The following FHIP2A variants were observed in gnomAD, a reference collection of about 807,000 sequenced individuals.
FHIP2A encodes the protein family with sequence similarity 160 member B1.
A neutral mutation model predicts 93.5 loss-of-function variants in FHIP2A; 46 were observed. The ratio of observed to expected loss-of-function variants is 0.49; its 90% CI spans 0.39 to 0.63. FHIP2A has a LOEUF of 0.63. FHIP2A is among the 20% of genes least tolerant of loss of function. The pLI is 0.00. For missense variants in FHIP2A, 769 were observed against 909.7 expected, an observed-to-expected ratio of 0.85 and a Z score of 1.99; for synonymous variants, 332 against 326.5, an observed-to-expected ratio of 1.02 and a Z score of -0.18.
At chr10:114,826,170 G>T (rs565159446) in intron 1 of FHIP2A, among the ~76,000 whole-genome samples, 4 of 152,302 alleles carry the variant, frequency 2.6e-5, no homozygotes, top group African/African-American at 7.2e-5. Context: ...ACGAAAGCCT[G>T]GCTCCAAGTG....
intron 16 of FHIP2A, among the ~76,000 whole-genome samples, chr10:114,889,888 T>TGCCTC (rs1455263576): frequency 6.6e-6 from 1 of 152,220 alleles, no homozygotes; most frequent in African/African-American, 2.4e-5. Context: ...TCAAGCATCT[T>TGCCTC]CAGGGCAACT....
chr10:114,899,052 AG>A (rs2084014383), intron 16 of FHIP2A, among the ~76,000 whole-genome samples: 1 of 152,230 alleles, frequency 6.6e-6, no homozygotes, highest in Non-Finnish European at 1.5e-5. Context: ...AGCCTCCTAG[AG>A]GATGGACAAC....
chr10:114,850,215 A>G (rs2083726594), intron 13 of FHIP2A, among the ~76,000 whole-genome samples: 1 of 152,194 alleles, frequency 6.6e-6, no homozygotes, highest in Admixed American at 6.5e-5. Flanking sequence ...ACCATTTTAC[A>G]TCACACCAGC....
At chr10:114,845,906 T>C in intron 8 of FHIP2A, 107 bp from the exon 9 acceptor site, 1 of 853,118 alleles carries the variant, frequency 1.2e-6, no homozygotes, top group Non-Finnish European at 1.8e-6. Flanking sequence ...AGGCAAGTTT[T>C]GTCTTTCCAC....
intron 10 of FHIP2A, 56 bp downstream of exon 10, chr10:114,846,423 T>TGAA: frequency 6.7e-7 from 1 of 1,500,638 alleles, no homozygotes; most frequent in South Asian, 1.2e-5. Context: ...ACGGTTTTAA[T>TGAA]GTATTATACT....
intron 16 of FHIP2A, among the ~76,000 whole-genome samples, chr10:114,891,568 T>C (rs2083974613): frequency 6.8e-6 from 1 of 147,334 alleles, no homozygotes; most frequent in South Asian, 2.1e-4. Context: ...TGTGTGTGTG[T>C]GTGTGCACGC....
intron 14 of FHIP2A, among the ~76,000 whole-genome samples, chr10:114,858,318 G>A (rs7915943): frequency 0.45 from 68,127 of 152,000 alleles, 15,444 homozygotes; most frequent in Non-Finnish European, 0.48. Flanking sequence ...TTTTTACTAC[G>A]TTGAGAAATA....
chr10:114,829,890 T>G (rs1279560795), intron 1 of FHIP2A, among the ~76,000 whole-genome samples: 1 of 152,244 alleles, frequency 6.6e-6, no homozygotes, highest in African/African-American at 2.4e-5. Flanking sequence ...TGAGGGGATA[T>G]AATTTTGGGC....
chr10:114,860,901 G>A lies in FHIP2A; in HGVS notation c.2088+12G>A. The A allele has an allele frequency of 1.9e-6, 3 of 1,610,060 alleles. No homozygotes were observed. Among genetic ancestry groups the A allele is most frequent in the Non-Finnish European group, 2.5e-6 (3 of 1,176,502 alleles). On this transcript the variant is annotated intron_variant, in intron 15 of 16. Transcript: ENST00000369248. ...CTGTAATTGTCAGGGTGAGTTACTAGTTCTGTTATATTCCCTAGGATTGAT... is the reference window on the plus strand; with the variant it reads ...CTGTAATTGTCAGGGTGAGTTACTAATTCTGTTATATTCCCTAGGATTGAT...
Position 114,823,639 on chromosome 10 carries a change from C to A in FHIP2A, c.45+1516C>A, listed in dbSNP as rs186013146. On this transcript the variant is annotated intron_variant, in intron 1 of 16. Transcript: ENST00000369248. ...CCTCCCTAGTAGCTGGGATTACAGG[C>A]ACCCGCCACCACACACGGCTAATTT... Among the ~76,000 whole-genome samples the A allele has an allele frequency of 7.9e-4, 119 of 150,526 alleles. 1 individual carries two copies. The highest frequency in any genetic ancestry group is 2.8e-3 in the African/African-American group (116 of 41,068).
At position 114,863,585 on chromosome 10, in the gene FHIP2A, G is replaced by T; in HGVS notation, c.*2045G>T. 1 of 1,258,146 alleles carries T rather than the reference G, an allele frequency of 7.9e-7. No individual in the cohort carries two copies. The highest frequency in any genetic ancestry group is 1.0e-6 in the Non-Finnish European group (1 of 976,568). The allele number at this position is 1,258,146 out of a possible 1,614,324, so 77.9% of individuals were successfully genotyped here. A position where few individuals can be genotyped will look rare whatever the true frequency, so the allele number is the denominator to read the frequency against. On this transcript the variant is annotated 3_prime_UTR_variant, in exon 17 of 17. Coordinates refer to ENST00000369248, the MANE Select transcript of FHIP2A (RefSeq NM_020940.4). Reference sequence around the variant, plus strand: ...TGACTTTAATTTGTAATCAGCTAAGGCTTAAGATTTCATTTGTTTCTAAGT... The same window carrying T: ...TGACTTTAATTTGTAATCAGCTAAGTCTTAAGATTTCATTTGTTTCTAAGT...
At chr10:114,875,764 AAG>A (rs957957146) in intron 16 of FHIP2A, among the ~76,000 whole-genome samples, 20 of 151,520 alleles carry the variant, frequency 1.3e-4, no homozygotes, top group Admixed American at 6.6e-4. Flanking sequence ...GAAAGAAAGA[AAG>A]AGAAAAGAGA....
chr10:114,844,445 A>G (rs181846070), intron 7 of FHIP2A, among the ~76,000 whole-genome samples: 2 of 152,332 alleles, frequency 1.3e-5, no homozygotes, highest in East Asian at 1.9e-4. Context: ...CAAGTTGCCC[A>G]TAGTCCCACC....
At chr10:114,875,734 GAGAAAGAAAGAA>G (rs200179954) in intron 16 of FHIP2A, among the ~76,000 whole-genome samples, 1 of 146,806 alleles carries the variant, frequency 6.8e-6, no homozygotes, top group Admixed American at 6.9e-5. Context: ...AAGAAAGAGA[GAGAAAGAAAGAA>G]AGAAAGAGAA....
intron 16 of FHIP2A, among the ~76,000 whole-genome samples, chr10:114,879,162 T>G (rs2083904565): frequency 6.6e-6 from 1 of 152,118 alleles, no homozygotes; most frequent in Non-Finnish European, 1.5e-5. Context: ...GTAACCAGAA[T>G]TTGAACTCAA....
downstream of FHIP2A, among the ~76,000 whole-genome samples, chr10:114,869,430 A>G (rs1454191484): frequency 6.6e-6 from 1 of 152,210 alleles, no homozygotes; most frequent in Non-Finnish European, 1.5e-5. Context: ...GGCTGCTTCA[A>G]TTCTTTGTCC....
At position 114,846,077 on chromosome 10, in the gene FHIP2A, A is replaced by G; in HGVS notation, c.1193A>G (p.Gln398Arg). The G allele has an allele frequency of 6.2e-7, 1 of 1,614,024 alleles. No individual in the cohort carries two copies. Among genetic ancestry groups the G allele is most frequent in the Non-Finnish European group, 8.5e-7 (1 of 1,179,944 alleles). Residue 398 changes from glutamine (Q) to arginine (R), a missense_variant, in exon 9 of 17, where the codon CAA (glutamine) becomes CGA (arginine). Transcript: ENST00000369248. ...ERFFIGVMEP[Q>R]LMQTSEMGIL... ...TTTTTCATTGGTGTTATGGAACCTC[A>G]ATTAATGCAAACGTGAGTAGCCTGT...
intron 16 of FHIP2A, among the ~76,000 whole-genome samples, chr10:114,891,939 G>T (rs1733287269): frequency 6.6e-6 from 1 of 152,046 alleles, no homozygotes; most frequent in South Asian, 2.1e-4. Context: ...TTTATATGGA[G>T]TATTCTAACA....
In FHIP2A at chr10:114,861,349, T is replaced by C; in HGVS notation, c.2192+15T>C. The C allele has an allele frequency of 6.2e-7, 1 of 1,613,606 alleles. No individual in the cohort carries two copies. The highest frequency in any genetic ancestry group is 8.5e-7 in the Non-Finnish European group (1 of 1,179,898). ...GAAGGCCCTATGTAAGTTAGTGTTT[T>C]ACATTTTTTTAATCCAAAAATTTCA... On this transcript the variant is annotated intron_variant, in intron 16 of 16. Coordinates refer to ENST00000369248, the MANE Select transcript of FHIP2A (RefSeq NM_020940.4).
Sources: allele counts gnomAD v4.1 joint callset (sites outside exome capture counted in the v4.1 genomes callset), GRCh38; gene constraint gnomAD v4.1.1; transcripts MANE v1.5; gene names NCBI Gene and HGNC (gene_info 2026-07-23, HGNC 2026-07-21).